Variants in MEI4 observed in about 807,000 individuals in gnomAD.
The protein encoded by MEI4 is meiosis-specific protein MEI4.
MEI4 carries 27 observed loss-of-function variants against 31.4 expected under a neutral mutation model. The observed-to-expected ratio is 0.86, with a 90% CI of 0.63 to 1.19. The LOEUF (loss-of-function observed/expected upper bound fraction) is 1.19. Ranked by LOEUF, MEI4 falls within the 50% of genes most tolerant of loss-of-function variation. MEI4 has a pLI of 0.00. For synonymous variants in MEI4, 122 were observed against 145.4 expected (o/e 0.84, Z 1.16); for missense variants, 329 against 398.9 (o/e 0.82, Z 1.49).
At chr6:77,658,413 T>G (rs910644706) in intron 1 of MEI4, among the ~76,000 whole-genome samples, 7 of 152,128 alleles carry the variant, frequency 4.6e-5, no homozygotes, top group African/African-American at 1.4e-4. Flanking sequence ...GATGTATACG[T>G]GCAAGTCACA....
intron 3 of MEI4, among the ~76,000 whole-genome samples, chr6:77,766,909 C>T (rs1249896296): frequency 1.3e-5 from 2 of 152,162 alleles, no homozygotes; most frequent in East Asian, 1.9e-4. Context: ...TTAGTAATAA[C>T]ACAGGCTTTT....
chr6:77,697,182 G>C (rs1052548108), intron 2 of MEI4, among the ~76,000 whole-genome samples: 1 of 151,848 alleles, frequency 6.6e-6, no homozygotes, highest in Non-Finnish European at 1.5e-5. Context: ...TGTTGCTAGC[G>C]GTCTATCAAT....
At chr6:77,672,705 A>G (rs1768768361) in intron 1 of MEI4, among the ~76,000 whole-genome samples, 1 of 152,010 alleles carries the variant, frequency 6.6e-6, no homozygotes, top group Non-Finnish European at 1.5e-5. Context: ...ACGCCTGGCT[A>G]ATTTTTGTAT....
intron 3 of MEI4, among the ~76,000 whole-genome samples, chr6:77,797,117 T>C (rs1240508328): frequency 6.6e-6 from 1 of 152,198 alleles, no homozygotes; most frequent in Admixed American, 6.5e-5. Context: ...TAAACGGTGT[T>C]GGGAAAATTG....
intron 1 of MEI4, among the ~76,000 whole-genome samples, chr6:77,667,944 T>C (rs1365777794): frequency 6.7e-6 from 1 of 149,786 alleles, no homozygotes; most frequent in East Asian, 2.0e-4. Flanking sequence ...GTTGCATGAC[T>C]ATAGATCTAG....
chr6:77,831,916 G>A lies in MEI4; in HGVS notation c.900+2854G>A, dbSNP rs183938339. ...ATATTTCAAAATAGCTAGAAGTGAA[G>A]AATTGTAATGTTTCCAACATAAAGA... is the stretch of plus-strand genomic sequence containing the variant. On this transcript the variant is annotated intron_variant, in intron 4 of 4. Coordinates refer to ENST00000684080, the MANE Select transcript of MEI4 (RefSeq NM_001322247.2). 4.3e-3 allele frequency among the ~76,000 whole-genome samples: 660 copies of A among 152,072 alleles called. 3 individuals are homozygous for A. The highest frequency in any genetic ancestry group is 5.0e-3 in the Non-Finnish European group (341 of 67,896).
At chr6:77,707,718 T>C (rs1418471318) in intron 2 of MEI4, among the ~76,000 whole-genome samples, 1 of 152,212 alleles carries the variant, frequency 6.6e-6, no homozygotes, top group African/African-American at 2.4e-5. Flanking sequence ...GGCCCAGGGC[T>C]CTGCTGCTGT....
chr6:77,693,119 T>G (rs1769189308), intron 2 of MEI4, among the ~76,000 whole-genome samples: 1 of 152,050 alleles, frequency 6.6e-6, no homozygotes, highest in Non-Finnish European at 1.5e-5. Flanking sequence ...GAAAACCCAG[T>G]AACTTAATAG....
At chr6:77,804,365 G>A (rs1330075919) in intron 3 of MEI4, among the ~76,000 whole-genome samples, 1 of 152,124 alleles carries the variant, frequency 6.6e-6, no homozygotes, top group African/African-American at 2.4e-5. Context: ...CCCTTTCTTT[G>A]ATTAGGAAAG....
At chr6:77,659,733 G>C (rs1163890057) in intron 1 of MEI4, among the ~76,000 whole-genome samples, 1 of 152,140 alleles carries the variant, frequency 6.6e-6, no homozygotes, top group African/African-American at 2.4e-5. Context: ...TATTGATAGA[G>C]GGCTTGTCTG....
intron 4 of MEI4, among the ~76,000 whole-genome samples, chr6:77,864,557 A>ATG (rs1770964558): frequency 3.3e-5 from 5 of 152,230 alleles, no homozygotes; most frequent in Non-Finnish European, 7.3e-5. Flanking sequence ...TGCACCCAAT[A>ATG]CAGGAGCACC....
rs939451282 is a variant in MEI4, at chr6:77,761,573, T to C, written c.676T>C (p.Ser226Pro). Residue 226 changes from serine (S) to proline (P), a missense_variant, in exon 3 of 5, where the codon TCT (serine) becomes CCT (proline). Physicochemically the swap from Ser to Pro is moderately conservative, Grantham distance 74 (BLOSUM62 -1). Coordinates refer to ENST00000684080, the MANE Select transcript of MEI4 (RefSeq NM_001322247.2). Reference protein sequence around the residue: ...LASLISDYNLSSHILKKCSKK... With the variant: ...LASLISDYNLPSHILKKCSKK... ...TAGTCTGATCAGTGACTATAACTTA[T>C]CTAGTCATATTCTTAAAAAGTGTTC... is the stretch of plus-strand genomic sequence containing the variant. 8.1e-7 allele frequency: 1 copy of C among 1,231,976 alleles called. No individual in the cohort carries two copies. Among genetic ancestry groups the C allele is most frequent in the Non-Finnish European group, 1.0e-6 (1 of 987,822 alleles). 76.3% of individuals were successfully genotyped at this position (1,231,976 alleles called of 1,614,324 possible).
intron 4 of MEI4, among the ~76,000 whole-genome samples, chr6:77,888,843 G>A (rs780142103): frequency 2.6e-5 from 4 of 152,106 alleles, no homozygotes; most frequent in Non-Finnish European, 5.9e-5. Flanking sequence ...ATTGAATCAT[G>A]GGGGCAGTTA....
chr6:77,742,587 CGTA>C (rs1241560705), intron 2 of MEI4, among the ~76,000 whole-genome samples: 3 of 152,024 alleles, frequency 2.0e-5, no homozygotes, highest in African/African-American at 7.2e-5. Context: ...TTCACTCTGA[CGTA>C]GTTTCTTTTG....
chr6:77,811,034 CT>C (rs1769564656), intron 3 of MEI4, among the ~76,000 whole-genome samples: 1 of 152,146 alleles, frequency 6.6e-6, no homozygotes. Context: ...CAATTGCAGT[CT>C]AATTTTCTTT....
intron 3 of MEI4, among the ~76,000 whole-genome samples, chr6:77,826,153 A>G (rs1213148349): frequency 6.6e-6 from 1 of 152,218 alleles, no homozygotes; most frequent in East Asian, 1.9e-4. Context: ...TTGATGGAGT[A>G]TTGTTGTGTA....
chr6:77,665,737 C>G (rs181317647), intron 1 of MEI4, among the ~76,000 whole-genome samples: 2 of 151,800 alleles, frequency 1.3e-5, no homozygotes, highest in Admixed American at 6.6e-5. Flanking sequence ...TTGTCTCGCC[C>G]GGAAAATGAA....
intron 4 of MEI4, among the ~76,000 whole-genome samples, chr6:77,905,849 C>G (rs1194635575): frequency 1.4e-5 from 2 of 147,198 alleles, no homozygotes; most frequent in Admixed American, 1.4e-4. Flanking sequence ...ATTTTTTTCT[C>G]TTCTTTAACT....
intron 4 of MEI4, among the ~76,000 whole-genome samples, chr6:77,880,168 A>C (rs1771444094): frequency 6.6e-6 from 1 of 151,986 alleles, no homozygotes; most frequent in Admixed American, 6.5e-5. Flanking sequence ...CCAGAGTAGA[A>C]GCCTTATGAT....
Sources: gnomAD v4.1 joint callset for allele counts (sites outside exome capture counted in the v4.1 genomes callset) on GRCh38, gnomAD v4.1.1 for gene constraint, MANE v1.5 for transcripts, NCBI Gene and HGNC (gene_info 2026-07-23, HGNC 2026-07-21) for gene names.